ZNF536: variants seen among roughly 807,000 people sequenced by gnomAD.
ZNF536 encodes the protein zinc finger protein 536.
ZNF536 carries 13 observed loss-of-function variants against 84.5 expected under a neutral mutation model. The observed-to-expected ratio is 0.15, with a 90% confidence interval of 0.10 to 0.24. The LOEUF is 0.24. ZNF536 is among the 10% of genes least tolerant of loss of function. The probability of loss-of-function intolerance (pLI) is 1.00; values close to 1 mark genes in which losing one functional copy is unlikely to be tolerated. For synonymous variants in ZNF536, 811 were observed against 742.5 expected, an observed-to-expected ratio of 1.09 and a Z score of -1.50; for missense variants, 1,536 against 1,747.5, an observed-to-expected ratio of 0.88 and a Z score of 2.16.
chr19:30,659,753 C>T (rs889429907), intron 1 of ZNF536, among the ~76,000 whole-genome samples: 2 of 150,760 alleles, frequency 1.3e-5, no homozygotes, highest in Admixed American at 1.3e-4. Context: ...CCTGGCTCCA[C>T]CAGATTATTA....
intron 1 of ZNF536, among the ~76,000 whole-genome samples, chr19:30,656,889 C>T (rs1477934651): frequency 3.9e-5 from 6 of 152,200 alleles, no homozygotes; most frequent in Admixed American, 3.9e-4. Context: ...GGAGCATGGC[C>T]TGATTGGAAA....
intron 3 of ZNF536, among the ~76,000 whole-genome samples, chr19:30,363,855 C>G (rs990289520): frequency 3.3e-5 from 5 of 152,036 alleles, no homozygotes; most frequent in African/African-American, 7.2e-5. Flanking sequence ...ATTCACCAAT[C>G]GAGATGGGAG....
intron 2 of ZNF536, among the ~76,000 whole-genome samples, chr19:30,454,173 C>T (rs752246358): frequency 2.4e-4 from 37 of 152,372 alleles, no homozygotes; most frequent in Non-Finnish European, 3.7e-4. Flanking sequence ...GGGCATTTCA[C>T]GGAGAAATCA....
chr19:30,547,855 A>T (rs1224981254), intron 3 of ZNF536, 88 bp from the exon 4 acceptor site: 1 of 1,440,388 alleles, frequency 6.9e-7, no homozygotes, highest in African/African-American at 1.4e-5. Flanking sequence ...GCTTTGTTTC[A>T]AAGAACAAAT....
chr19:30,233,362 A>G (rs1405061636), intron 1 of ZNF536, among the ~76,000 whole-genome samples: 2 of 150,630 alleles, frequency 1.3e-5, no homozygotes, highest in East Asian at 3.9e-4. Context: ...TTTAACTTTA[A>G]GAGATGGAGC....
At chr19:30,455,889 A>G (rs1013514004) in intron 2 of ZNF536, among the ~76,000 whole-genome samples, 1 of 152,210 alleles carries the variant, frequency 6.6e-6, no homozygotes, top group African/African-American at 2.4e-5. Context: ...CAAAAAGTAC[A>G]TACTTCTGTG....
chr19:30,686,312 T>A (rs764304081), intron 1 of ZNF536, among the ~76,000 whole-genome samples: 3 of 152,160 alleles, frequency 2.0e-5, no homozygotes, highest in Non-Finnish European at 2.9e-5. Context: ...ACTCTGTTTT[T>A]TTCCTGAAGG....
intron 2 of ZNF536, among the ~76,000 whole-genome samples, chr19:30,469,327 G>A (rs889071455): frequency 1.3e-5 from 2 of 152,034 alleles, no homozygotes; most frequent in African/African-American, 4.8e-5. Flanking sequence ...CAGGAGGATG[G>A]CATGAACCCA....
chr19:30,580,668 G>A (rs73539143), intron 1 of ZNF536, among the ~76,000 whole-genome samples: 3,187 of 152,290 alleles, frequency 0.021, 120 homozygotes, highest in African/African-American at 0.074. Context: ...TAAGCCCTCT[G>A]GGTTCAGGCT....
intron 1 of ZNF536, among the ~76,000 whole-genome samples, chr19:30,625,450 G>A (rs932527364): frequency 2.6e-5 from 4 of 152,148 alleles, no homozygotes; most frequent in African/African-American, 4.8e-5. Flanking sequence ...ACAATATTAG[G>A]AACTACCATT....
At chr19:30,582,500 C>T (rs1403705665) in intron 1 of ZNF536, among the ~76,000 whole-genome samples, 1 of 150,844 alleles carries the variant, frequency 6.6e-6, no homozygotes, top group African/African-American at 2.4e-5. Context: ...AAGTGATCCT[C>T]CTGCCTCAGC....
chr19:30,260,866 G>T (rs531614825), intron 1 of ZNF536, among the ~76,000 whole-genome samples: 8 of 152,190 alleles, frequency 5.3e-5, no homozygotes, highest in Non-Finnish European at 1.2e-4. Flanking sequence ...AGACCTTCAT[G>T]CTTCAGACCC....
At chr19:30,582,399 T>TTC (rs1555804442) in intron 1 of ZNF536, among the ~76,000 whole-genome samples, 73 of 143,612 alleles carry the variant, frequency 5.1e-4, no homozygotes, top group African/African-American at 1.9e-3. Context: ...TTTTTTTTTT[T>TTC]CAGACAGGGT....
At chr19:30,603,110 T>C (rs769872279) in intron 1 of ZNF536, among the ~76,000 whole-genome samples, 6 of 152,154 alleles carry the variant, frequency 3.9e-5, no homozygotes, top group Non-Finnish European at 7.4e-5. Context: ...AGAATCATAA[T>C]CACACAGGCA....
At chr19:30,467,055 G>T (rs1482532051) in intron 2 of ZNF536, among the ~76,000 whole-genome samples, 4 of 152,130 alleles carry the variant, frequency 2.6e-5, no homozygotes, top group African/African-American at 9.7e-5. Context: ...TGGCCAGGCT[G>T]GTCTCGAACT....
At chr19:30,495,122 C>G (rs1412485975) in intron 2 of ZNF536, among the ~76,000 whole-genome samples, 1 of 152,142 alleles carries the variant, frequency 6.6e-6, no homozygotes, top group African/African-American at 2.4e-5. Flanking sequence ...ATTGGGACAC[C>G]AAGTAAACCT....
At chr19:30,277,472 G>C (rs1300862761) in intron 1 of ZNF536, among the ~76,000 whole-genome samples, 4 of 152,312 alleles carry the variant, frequency 2.6e-5, no homozygotes, top group Admixed American at 1.3e-4. Context: ...GTATCAAATA[G>C]CTTCTCCATC....
intron 1 of ZNF536, among the ~76,000 whole-genome samples, chr19:30,588,404 T>C (rs2047168228): frequency 6.6e-6 from 1 of 152,160 alleles, no homozygotes. Context: ...TGGCCCCAGT[T>C]GACCCCTTTG....
At chr19:30,234,786 C>T (rs1055073268) in intron 1 of ZNF536, among the ~76,000 whole-genome samples, 3 of 152,010 alleles carry the variant, frequency 2.0e-5, no homozygotes, top group Non-Finnish European at 4.4e-5. Flanking sequence ...CGCACACGCA[C>T]CCCACACCAC....
Sources: gnomAD v4.1 joint callset for allele counts (sites outside exome capture counted in the v4.1 genomes callset) on GRCh38, gnomAD v4.1.1 for gene constraint, MANE v1.5 for transcripts, NCBI Gene and HGNC (gene_info 2026-07-23, HGNC 2026-07-21) for gene names.